ST3GAL1: variants seen among roughly 807,000 people sequenced by gnomAD.
The protein encoded by ST3GAL1 is ST3 beta-galactoside alpha-2,3-sialyltransferase 1.
Under a neutral mutation model 34.1 loss-of-function variants are expected in ST3GAL1, and 16 were observed. That is an observed-to-expected ratio of 0.47 (90% CI 0.32 to 0.71). The LOEUF is 0.71. Ranked by LOEUF, ST3GAL1 falls within the 30% of genes least tolerant of loss-of-function variation. The pLI, the probability that ST3GAL1 is intolerant of heterozygous loss-of-function variation, is 0.04. For synonymous variants in ST3GAL1, 191 were observed against 184.7 expected (o/e 1.03, Z -0.28); for missense variants, 353 against 447.4 (o/e 0.79, Z 1.90).
intron 2 of ST3GAL1, among the ~76,000 whole-genome samples, chr8:133,523,291 C>G (rs1401283568): frequency 6.6e-6 from 1 of 152,078 alleles, no homozygotes; most frequent in Non-Finnish European, 1.5e-5. Flanking sequence ...CACTGCCACA[C>G]CCCCATGCAC....
At chr8:133,486,178 ATCCCAACT>A (rs1816586947) in intron 3 of ST3GAL1, among the ~76,000 whole-genome samples, 1 of 152,176 alleles carries the variant, frequency 6.6e-6, no homozygotes, top group South Asian at 2.1e-4. Context: ...CCAATGCAGA[ATCCCAACT>A]TCACACCTAC....
chr8:133,540,808 G>GACATATATATATAT (rs1563733979), intron 2 of ST3GAL1, among the ~76,000 whole-genome samples: 4 of 100,578 alleles, frequency 4.0e-5, no homozygotes, highest in Non-Finnish European at 8.9e-5. Context: ...TATATATAGA[G>GACATATATATATAT]AGACATATAT....
intron 9 of ST3GAL1, among the ~76,000 whole-genome samples, chr8:133,460,224 G>T (rs1815445313): frequency 1.3e-5 from 2 of 152,178 alleles, no homozygotes; most frequent in Admixed American, 6.5e-5. Flanking sequence ...TGCAGCAAGT[G>T]CAACCTATTC....
chr8:133,498,312 T>C (rs1817032459), intron 3 of ST3GAL1, among the ~76,000 whole-genome samples: 1 of 152,226 alleles, frequency 6.6e-6, no homozygotes, highest in African/African-American at 2.4e-5. Context: ...CGCTCAGCAC[T>C]CAGGGAGCAA....
chr8:133,491,699 A>T (rs1192210983), intron 3 of ST3GAL1, among the ~76,000 whole-genome samples: 1 of 152,194 alleles, frequency 6.6e-6, no homozygotes, highest in African/African-American at 2.4e-5. Flanking sequence ...AAACCCAGCT[A>T]CTACAATGGC....
intron 2 of ST3GAL1, among the ~76,000 whole-genome samples, chr8:133,522,639 G>C (rs1817846894): frequency 6.6e-6 from 1 of 152,200 alleles, no homozygotes; most frequent in Non-Finnish European, 1.5e-5. Context: ...ATATCCAGCA[G>C]AGTCACCTGG....
chr8:133,557,024 C>G (rs958670145), intron 1 of ST3GAL1, among the ~76,000 whole-genome samples: 2 of 152,086 alleles, frequency 1.3e-5, no homozygotes, highest in Non-Finnish European at 2.9e-5. Context: ...CCTGACCCTC[C>G]CAACCTGGGA....
chr8:133,560,415 C>T (rs140454150), intron 1 of ST3GAL1, among the ~76,000 whole-genome samples: 1 of 143,342 alleles, frequency 7.0e-6, no homozygotes, highest in East Asian at 2.1e-4. Flanking sequence ...ATGTAACAGG[C>T]TAAATAAACC....
At chr8:133,558,161 C>T (rs1819113058) in intron 1 of ST3GAL1, among the ~76,000 whole-genome samples, 1 of 152,224 alleles carries the variant, frequency 6.6e-6, no homozygotes, top group Non-Finnish European at 1.5e-5. Flanking sequence ...CAAAACACCA[C>T]TGTGTGGGGC....
At chr8:133,468,841 G>C (rs1055263832) in intron 5 of ST3GAL1, among the ~76,000 whole-genome samples, 1 of 152,116 alleles carries the variant, frequency 6.6e-6, no homozygotes, top group Non-Finnish European at 1.5e-5. Flanking sequence ...CAGGGCTGGT[G>C]GGGGGACTAC....
At chr8:133,497,228 G>A (rs958087109) in intron 3 of ST3GAL1, among the ~76,000 whole-genome samples, 8 of 152,276 alleles carry the variant, frequency 5.3e-5, no homozygotes, top group Middle Eastern at 3.4e-3. Context: ...TTTTGAATCC[G>A]GATTCCTGCC....
chr8:133,549,728 C>T (rs956510118), intron 1 of ST3GAL1, among the ~76,000 whole-genome samples: 4 of 152,100 alleles, frequency 2.6e-5, no homozygotes, highest in Admixed American at 1.3e-4. Context: ...TTTGGGAGGC[C>T]GAGGTGGGCA....
chr8:133,533,782 T>C (rs1018096184), intron 2 of ST3GAL1, among the ~76,000 whole-genome samples: 1 of 152,202 alleles, frequency 6.6e-6, no homozygotes, highest in Non-Finnish European at 1.5e-5. Context: ...TCAAAGCGTT[T>C]TCAGTATCTC....
chr8:133,541,457 G>GTT (rs1292235854), intron 2 of ST3GAL1, among the ~76,000 whole-genome samples: 2 of 152,040 alleles, frequency 1.3e-5, no homozygotes, highest in Non-Finnish European at 1.5e-5. Context: ...CAGGACAGCA[G>GTT]TCCTGCATCC....
intron 5 of ST3GAL1, among the ~76,000 whole-genome samples, chr8:133,468,880 C>T (rs1815843264): frequency 6.6e-6 from 1 of 152,182 alleles, no homozygotes; most frequent in African/African-American, 2.4e-5. Context: ...TAGAGGACCA[C>T]AGCCAGACTC....
intron 3 of ST3GAL1, among the ~76,000 whole-genome samples, chr8:133,491,120 G>A (rs941826226): frequency 2.4e-4 from 36 of 152,164 alleles, no homozygotes; most frequent in African/African-American, 8.0e-4. Context: ...AGTAGGCAGT[G>A]TGGAGAAGTG....
rs1295798649 is a variant in ST3GAL1 at position 133,571,573 on chromosome 8, C to T, written c.-582+120G>A. 1.3e-5 allele frequency: 2 copies of T among 152,462 alleles called. No homozygotes were observed. The highest frequency in any genetic ancestry group is 1.3e-4 in the Admixed American group (2 of 15,284). 9.4% of individuals were successfully genotyped at this position (152,462 alleles called of 1,614,324 possible). A position where few individuals can be genotyped will look rare whatever the true frequency, so the allele number is the denominator to read the frequency against. On this transcript the variant is annotated intron_variant, in intron 1 of 9. Transcript: ENST00000522652. This position sits in a 1 kb window ranked among gnomAD's most constrained non-coding sequence, Gnocchi z 6.7. ...AGTCCCCTCCCCACCCCTTCAGTTCCCGGGTCCAGACAATCAACCTTCCAC... is the reference window on the plus strand; with the variant it reads ...AGTCCCCTCCCCACCCCTTCAGTTCTCGGGTCCAGACAATCAACCTTCCAC...
At chr8:133,541,550 G>C (rs1374579361) in intron 2 of ST3GAL1, among the ~76,000 whole-genome samples, 1 of 152,264 alleles carries the variant, frequency 6.6e-6, no homozygotes, top group East Asian at 1.9e-4. Context: ...CTCCATCTGA[G>C]AGATGCAGAC....
Position 133,546,656 on chromosome 8 carries a change from A to G in ST3GAL1, c.-581-730T>C, listed in dbSNP as rs549984125. On this transcript the variant is annotated intron_variant, in intron 1 of 9. Coordinates refer to ENST00000522652, the MANE Select transcript of ST3GAL1 (RefSeq NM_173344.3). ...TAAGATATGAATGTGAAAGTGTGAC[A>G]TCGGGGTTAGGATAAATCAGGCTGA... is the stretch of plus-strand genomic sequence containing the variant. Among the ~76,000 whole-genome samples, 26 of 152,296 alleles carry G rather than the reference A, an allele frequency of 1.7e-4. No individual in the cohort carries two copies. In the Middle Eastern group the frequency reaches 0.017, roughly 100 times the overall value.
Sources: gnomAD v4.1 joint callset for allele counts (sites outside exome capture counted in the v4.1 genomes callset) on GRCh38, gnomAD v4.1.1 for gene constraint, Gnocchi (gnomAD v3.1) non-coding constraint, MANE v1.5 for transcripts, NCBI Gene and HGNC (gene_info 2026-07-23, HGNC 2026-07-21) for gene names.